The following SH2D4A variants were observed in gnomAD, a reference collection of about 807,000 sequenced individuals.
The protein encoded by SH2D4A is SH2 domain containing 4A, also known as SH2 domain-containing protein 4A.
SH2D4A carries 70 observed loss-of-function variants against 64.7 expected under a neutral mutation model. The ratio of observed to expected loss-of-function variants is 1.08; its 90% confidence interval spans 0.89 to 1.32. The LOEUF is 1.32. Ranked by LOEUF, SH2D4A falls within the 40% of genes most tolerant of loss-of-function variation. The pLI, the probability that SH2D4A is intolerant of heterozygous loss-of-function variation, is 0.00. For synonymous variants in SH2D4A, 268 were observed against 200.7 expected (o/e 1.34, Z -2.83); for missense variants, 706 against 540.1 (o/e 1.31, Z -3.04).
chr8:19,346,434 T>C (rs965875460), intron 4 of SH2D4A, among the ~76,000 whole-genome samples: 1 of 152,242 alleles, frequency 6.6e-6, no homozygotes, highest in Non-Finnish European at 1.5e-5. Flanking sequence ...ATCTAATGCC[T>C]GACGATCTGT....
At chr8:19,380,818 G>GT (rs1216791730) in intron 8 of SH2D4A, among the ~76,000 whole-genome samples, 6 of 152,058 alleles carry the variant, frequency 3.9e-5, no homozygotes, top group Non-Finnish European at 7.4e-5. Context: ...ACGTCTTCCT[G>GT]TTTTTTCTTC....
At chr8:19,328,598 C>T (rs2052321261) in intron 2 of SH2D4A, among the ~76,000 whole-genome samples, 1 of 152,122 alleles carries the variant, frequency 6.6e-6, no homozygotes, top group Non-Finnish European at 1.5e-5. Context: ...CCATTCTCTC[C>T]CCAAATGCTG....
rs149597272 is a variant in SH2D4A, at chr8:19,358,442, G to T, written c.594+1159G>T. ...TGAGGGAACTGAAGAATCCTGGGAG[G>T]ATGGAATTGGGATGGGACAGGTAGT... On this transcript the variant is annotated intron_variant, in intron 5 of 9. Transcript: ENST00000265807. 4.2e-3 allele frequency among the ~76,000 whole-genome samples: 637 copies of T among 152,286 alleles called. 3 individuals are homozygous for T. Among genetic ancestry groups the T allele is most frequent in the African/African-American group, 0.015 (615 of 41,572 alleles).
intron 6 of SH2D4A, among the ~76,000 whole-genome samples, chr8:19,362,506 A>T (rs1252611035): frequency 6.6e-6 from 1 of 152,168 alleles, no homozygotes; most frequent in African/African-American, 2.4e-5. Flanking sequence ...TTGGGAGGCC[A>T]AGGTGGGTGG....
chr8:19,334,468 TATAAC>T (rs774502755), intron 3 of SH2D4A, among the ~76,000 whole-genome samples: 1 of 152,158 alleles, frequency 6.6e-6, no homozygotes, highest in Non-Finnish European at 1.5e-5. Flanking sequence ...TTGGAGCTCT[TATAAC>T]AAAGTGAGGA....
At chr8:19,345,842 C>T (rs887521406) in intron 4 of SH2D4A, among the ~76,000 whole-genome samples, 3 of 152,158 alleles carry the variant, frequency 2.0e-5, no homozygotes, top group African/African-American at 7.2e-5. Flanking sequence ...AGATCCCTTA[C>T]AGAAGAATGG....
intron 8 of SH2D4A, among the ~76,000 whole-genome samples, chr8:19,376,999 C>T (rs78976709): frequency 0.038 from 5,851 of 152,178 alleles, 123 homozygotes; most frequent in South Asian, 0.058. Context: ...AAATACAACA[C>T]CAGTGATATA....
intron 1 of SH2D4A, among the ~76,000 whole-genome samples, chr8:19,317,045 C>G (rs1227157863): frequency 6.6e-6 from 1 of 152,190 alleles, no homozygotes; most frequent in African/African-American, 2.4e-5. Context: ...CTACCCATGC[C>G]TTGAATAGGA....
At chr8:19,388,325 T>C (rs866470528) in intron 8 of SH2D4A, among the ~76,000 whole-genome samples, 20 of 152,246 alleles carry the variant, frequency 1.3e-4, no homozygotes, top group African/African-American at 4.6e-4. Flanking sequence ...CTCTGCTTTT[T>C]AGAGGAAGCA....
intron 4 of SH2D4A, among the ~76,000 whole-genome samples, chr8:19,350,517 C>G (rs560276954): frequency 6.6e-6 from 1 of 152,318 alleles, no homozygotes; most frequent in South Asian, 2.1e-4. Context: ...GAGCGTTACT[C>G]TGTCTCCCAG....
intron 4 of SH2D4A, among the ~76,000 whole-genome samples, chr8:19,340,229 G>T (rs2052507847): frequency 6.6e-6 from 1 of 152,142 alleles, no homozygotes; most frequent in Non-Finnish European, 1.5e-5. Flanking sequence ...GGAAAGCATT[G>T]TCGGGGGGTG....
In SH2D4A at chr8:19,334,820, C is replaced by T. The variant is rs1440276416; in HGVS notation, c.476C>T (p.Ser159Leu). ...VAEKEELEQG[S>L]RPAPTLEEEK... ...GAAAAGGAGGAACTGGAGCAAGGATCGAGGCCAGCACCAACCCTGGAAGAA... is the reference window on the plus strand; with the variant it reads ...GAAAAGGAGGAACTGGAGCAAGGATTGAGGCCAGCACCAACCCTGGAAGAA... Residue 159 changes from serine (S) to leucine (L), a missense_variant, in exon 4 of 10, where the codon TCG becomes TTG. Coordinates refer to ENST00000265807, the MANE Select transcript of SH2D4A (RefSeq NM_022071.4). 5.0e-6 allele frequency: 8 copies of T among 1,613,636 alleles called. No homozygotes were observed. The East Asian group carries it at 6.7e-5, about 13-fold the overall frequency.
At chr8:19,381,260 G>C (rs910039175) in intron 8 of SH2D4A, among the ~76,000 whole-genome samples, 1 of 152,140 alleles carries the variant, frequency 6.6e-6, no homozygotes, top group Non-Finnish European at 1.5e-5. Flanking sequence ...ATGTTGGCCA[G>C]GCTGGTCTTG....
chr8:19,359,092 G>T (rs2052838932), intron 5 of SH2D4A, among the ~76,000 whole-genome samples: 1 of 152,192 alleles, frequency 6.6e-6, no homozygotes, highest in Non-Finnish European at 1.5e-5. Context: ...TACAGATTTT[G>T]ATAAAAGTAA....
chr8:19,323,381 ATT>A (rs750438816), intron 2 of SH2D4A, among the ~76,000 whole-genome samples: 8 of 141,864 alleles, frequency 5.6e-5, no homozygotes, highest in Admixed American at 1.4e-4. Context: ...GTTCCTTTTG[ATT>A]TTTTTTTTTT....
chr8:19,334,071 G>T (rs571484025), intron 3 of SH2D4A, among the ~76,000 whole-genome samples: 121 of 152,282 alleles, frequency 7.9e-4, no homozygotes, highest in African/African-American at 2.8e-3. Flanking sequence ...GGCAGGTGAT[G>T]GCGCTCCTCT....
In SH2D4A at chr8:19,395,718, G is replaced by A. The variant is rs2053578396; in HGVS notation, c.*1076G>A. 1 of 152,190 alleles carries A rather than the reference G, an allele frequency of 6.6e-6. No homozygotes were observed. The highest frequency in any genetic ancestry group is 1.5e-5 in the Non-Finnish European group (1 of 68,058). The allele number at this position is 152,190 out of a possible 1,614,324, so 9.4% of individuals were successfully genotyped here. ...GAAGCCAGCAGAGAGGCATGGGACAGGTTCCCCACAAGCCTTAGAAGGAAG... is the reference window on the plus strand; with the variant it reads ...GAAGCCAGCAGAGAGGCATGGGACAAGTTCCCCACAAGCCTTAGAAGGAAG... On this transcript the variant is annotated 3_prime_UTR_variant, in exon 10 of 10. Transcript: ENST00000265807.
At chr8:19,354,953 A>G (rs2153647302) in intron 4 of SH2D4A, among the ~76,000 whole-genome samples, 1 of 152,328 alleles carries the variant, frequency 6.6e-6, no homozygotes, top group South Asian at 2.1e-4. Context: ...CCAGTTTCAT[A>G]AGTCCAGATC....
At chr8:19,394,490 A>C in intron 9 of SH2D4A, 60 bp from the exon 10 acceptor site, 1 of 1,175,758 alleles carries the variant, frequency 8.5e-7, no homozygotes, top group Admixed American at 2.2e-5. Context: ...CCTCTGAGGA[A>C]GTAGGAAGAG....
Sources: allele counts gnomAD v4.1 joint callset (sites outside exome capture counted in the v4.1 genomes callset), GRCh38; gene constraint gnomAD v4.1.1; transcripts MANE v1.5; gene names NCBI Gene and HGNC (gene_info 2026-07-23, HGNC 2026-07-21).